SPTBN1: variants seen among roughly 807,000 people sequenced by gnomAD.
SPTBN1 encodes spectrin beta chain, non-erythrocytic 1.
In SPTBN1, 32 loss-of-function variants were observed where a neutral mutation model predicts 266.4. The observed-to-expected ratio is 0.12, with a 90% CI of 0.09 to 0.16. SPTBN1 has a LOEUF of 0.16. Ranked by LOEUF, SPTBN1 falls within the 10% of genes least tolerant of loss-of-function variation. The pLI is 1.00. For missense variants in SPTBN1, 2,296 were observed against 3,067.1 expected (o/e 0.75, Z 5.94); for synonymous variants, 1,336 against 1,162.2 (o/e 1.15, Z -3.04).
chr2:54,580,881 T>C (rs1167744273), intron 2 of SPTBN1, among the ~76,000 whole-genome samples: 3 of 152,162 alleles, frequency 2.0e-5, no homozygotes, highest in South Asian at 4.1e-4. Context: ...ACTGATCACT[T>C]GAGGTCAGGA....
chr2:54,594,236 C>T (rs1464356656), intron 2 of SPTBN1, among the ~76,000 whole-genome samples: 2 of 128,822 alleles, frequency 1.6e-5, no homozygotes, highest in Admixed American at 7.1e-5. Flanking sequence ...CCTCATGGGG[C>T]AGTTGTGGGG....
intron 2 of SPTBN1, among the ~76,000 whole-genome samples, chr2:54,566,186 T>TTC (rs1673646022): frequency 3.3e-5 from 1 of 30,668 alleles, no homozygotes; most frequent in Admixed American, 2.9e-4. Flanking sequence ...TTCTTTTTTC[T>TTC]TTTTTTTTTT....
chr2:54,626,589 A>T lies in SPTBN1; in HGVS notation c.1644+355A>T, dbSNP rs1407578446. Among the ~76,000 whole-genome samples, 1 of 152,106 alleles carries T rather than the reference A, an allele frequency of 6.6e-6. No homozygotes were observed. The highest frequency in any genetic ancestry group is 2.4e-5 in the African/African-American group (1 of 41,440). ...GTGAGTGAGTGGTACTACTTTGGGC[A>T]GGGGTCCCGGAGAGGTGGTATGGGG... On this transcript the variant is annotated intron_variant, in intron 12 of 35. Coordinates refer to ENST00000356805, the MANE Select transcript of SPTBN1 (RefSeq NM_003128.3). This position sits in a 1 kb window ranked among gnomAD's most constrained non-coding sequence, Gnocchi z 4.7.
At chr2:54,640,245 T>C (rs1679435226) in intron 18 of SPTBN1, among the ~76,000 whole-genome samples, 1 of 152,186 alleles carries the variant, frequency 6.6e-6, no homozygotes, top group African/African-American at 2.4e-5. Context: ...CTGGTAGATA[T>C]TTACAGAGCA....
intron 3 of SPTBN1, 51 bp from the exon 4 acceptor site, chr2:54,612,110 A>G (rs1677259630): frequency 6.6e-7 from 1 of 1,506,480 alleles, no homozygotes; most frequent in African/African-American, 1.4e-5. Flanking sequence ...CTCGGGGTTC[A>G]TCTCTACTCT....
chr2:54,640,586 C>T (rs141544770), intron 18 of SPTBN1, among the ~76,000 whole-genome samples: 85 of 152,332 alleles, frequency 5.6e-4, no homozygotes, highest in Middle Eastern at 3.4e-3. Flanking sequence ...GAGTCTCACT[C>T]TGTTGCCCAG....
At position 54,465,666 on chromosome 2, in the gene SPTBN1, A is replaced by ATATC. The variant is rs1553427346; in HGVS notation, c.-48+9150_-48+9153dup. Among the ~76,000 whole-genome samples the ATATC allele has an allele frequency of 3.6e-5, 5 of 137,820 alleles. No homozygotes were observed. The East Asian group carries it at 8.6e-4, about 24-fold the overall frequency. 90.4% of individuals were successfully genotyped at this position (137,820 alleles called of 152,430 possible). A position where few individuals can be genotyped will look rare whatever the true frequency, so the allele number is the denominator to read the frequency against. ...TATATATATATATATATATATATATATATCTCACACATGGGAGAGAGAGGT... is the reference window on the plus strand; with the variant it reads ...TATATATATATATATATATATATATATATCTATCTCACACATGGGAGAGAGAGGT... On this transcript the variant is annotated intron_variant, in intron 1 of 35. Transcript: ENST00000356805.
chr2:54,579,307 A>G (rs1674710768), intron 2 of SPTBN1, among the ~76,000 whole-genome samples: 1 of 152,194 alleles, frequency 6.6e-6, no homozygotes, highest in South Asian at 2.1e-4. Context: ...AATGTCACCC[A>G]GAGATCGAAT....
intron 33 of SPTBN1, among the ~76,000 whole-genome samples, chr2:54,665,702 G>C (rs946756854): frequency 1.3e-5 from 2 of 152,180 alleles, no homozygotes; most frequent in African/African-American, 4.8e-5. Context: ...CACTTGCCCT[G>C]TGCCCTGTCC....
chr2:54,600,206 C>G (rs963315185), intron 3 of SPTBN1, among the ~76,000 whole-genome samples: 4 of 152,208 alleles, frequency 2.6e-5, no homozygotes, highest in Non-Finnish European at 5.9e-5. Context: ...TAAGGTTGTC[C>G]CTTGTCCTAT....
At chr2:54,469,426 G>A (rs567394717) in intron 1 of SPTBN1, among the ~76,000 whole-genome samples, 1 of 152,272 alleles carries the variant, frequency 6.6e-6, no homozygotes, top group Admixed American at 6.5e-5. Context: ...CAGTTAAGAG[G>A]GAAAAATCTG....
intron 2 of SPTBN1, among the ~76,000 whole-genome samples, chr2:54,591,439 G>C (rs758357973): frequency 6.6e-6 from 1 of 152,160 alleles, no homozygotes; most frequent in Non-Finnish European, 1.5e-5. Context: ...CTTACTTAGG[G>C]GGTAGGCCAT....
At chr2:54,580,144 C>T (rs3796018) in intron 2 of SPTBN1, among the ~76,000 whole-genome samples, 51,297 of 151,852 alleles carry the variant, frequency 0.34, 11,092 homozygotes, top group African/African-American at 0.63. Context: ...AAGCTTCCGG[C>T]CACACGGAAC....
intron 28 of SPTBN1, among the ~76,000 whole-genome samples, chr2:54,655,497 C>G (rs1344267259): frequency 6.6e-6 from 1 of 152,196 alleles, no homozygotes; most frequent in Non-Finnish European, 1.5e-5. Context: ...TGACTATGCC[C>G]TAGATCAGTT....
intron 1 of SPTBN1, among the ~76,000 whole-genome samples, chr2:54,468,543 A>G (rs1027030022): frequency 1.3e-5 from 2 of 152,216 alleles, no homozygotes; most frequent in East Asian, 3.8e-4. Context: ...TGCATGTTGC[A>G]TGGCAAAACA....
chr2:54,575,815 G>A (rs1381081001), intron 2 of SPTBN1, among the ~76,000 whole-genome samples: 2 of 152,216 alleles, frequency 1.3e-5, no homozygotes, highest in African/African-American at 2.4e-5. Flanking sequence ...AAAAGGAGAG[G>A]AGAAATGTGT....
chr2:54,576,251 A>G (rs958601061), intron 2 of SPTBN1, among the ~76,000 whole-genome samples: 2 of 151,590 alleles, frequency 1.3e-5, no homozygotes, highest in Non-Finnish European at 2.9e-5. Flanking sequence ...ACAGGGTTTT[A>G]CCATGTTGGC....
chr2:54,461,741 C>G (rs1219707694), intron 1 of SPTBN1, among the ~76,000 whole-genome samples: 1 of 152,116 alleles, frequency 6.6e-6, no homozygotes, highest in Non-Finnish European at 1.5e-5. Context: ...TGTGAAGTAC[C>G]TGTTCAGTCT....
chr2:54,593,926 C>G (rs1675864058), intron 2 of SPTBN1, among the ~76,000 whole-genome samples: 1 of 149,598 alleles, frequency 6.7e-6, no homozygotes, highest in Admixed American at 6.7e-5. Flanking sequence ...CTCCGCCTCC[C>G]AGGTTCAAGT....
Sources: allele counts gnomAD v4.1 joint callset (sites outside exome capture counted in the v4.1 genomes callset), GRCh38; gene constraint gnomAD v4.1.1; non-coding constraint Gnocchi (gnomAD v3.1); transcripts MANE v1.5; gene names NCBI Gene and HGNC (gene_info 2026-07-23, HGNC 2026-07-21).